The following KIF26B variants were observed in gnomAD, a reference collection of about 807,000 sequenced individuals.
KIF26B encodes the protein kinesin-like protein KIF26B.
Under a neutral mutation model 151.2 loss-of-function variants are expected in KIF26B, and 63 were observed. The observed-to-expected ratio is 0.42, with a 90% CI of 0.34 to 0.51. The LOEUF (loss-of-function observed/expected upper bound fraction) is 0.51, where lower values mean the gene tolerates loss of function less well. KIF26B is among the 20% of genes least tolerant of loss of function. The pLI is 0.07. For synonymous variants in KIF26B, 1,357 were observed against 1,262.1 expected, an observed-to-expected ratio of 1.08 and a Z score of -1.59; for missense variants, 2,813 against 2,913.6, an observed-to-expected ratio of 0.97 and a Z score of 0.79.
intron 2 of KIF26B, among the ~76,000 whole-genome samples, chr1:245,302,791 C>A (rs1288505666): frequency 6.6e-6 from 1 of 151,986 alleles, no homozygotes; most frequent in Non-Finnish European, 1.5e-5. Context: ...CAGTTTGAGA[C>A]CAGCCTGCCC....
At chr1:245,554,743 G>T (rs972403630) in intron 5 of KIF26B, among the ~76,000 whole-genome samples, 1 of 152,160 alleles carries the variant, frequency 6.6e-6, no homozygotes, top group African/African-American at 2.4e-5. Flanking sequence ...GACAGCTGAC[G>T]GTATAGCAGC....
In KIF26B at chr1:245,702,552, C is replaced by T. The variant is rs753303443; in HGVS notation, c.6273C>T (p.Cys2091=). 1.2e-6 allele frequency: 2 copies of T among 1,613,966 alleles called. No individual in the cohort carries two copies. Among genetic ancestry groups the T allele is most frequent in the Non-Finnish European group, 8.5e-7 (1 of 1,179,886 alleles). ...GCCTGGAGAGCCGTGTCAACTTCTG[C>T]AAGGCCCATCTCATGATGATCACCT... is the stretch of plus-strand genomic sequence containing the variant. ...TERLESRVNF[C]KAHLMMITCF... Residue 2091 remains cysteine, a synonymous_variant, in exon 15 of 15, where the codon TGC becomes TGT. Coordinates refer to ENST00000407071, the MANE Select transcript of KIF26B (RefSeq NM_018012.4). The surrounding 1 kb of genome is among the most constrained non-coding windows in gnomAD (Gnocchi z 4.1).
chr1:245,263,458 A>G (rs1007089267), intron 2 of KIF26B, among the ~76,000 whole-genome samples: 1 of 152,202 alleles, frequency 6.6e-6, no homozygotes. Flanking sequence ...GACACGCTCT[A>G]GTGAGCAGTT....
At chr1:245,533,349 A>G (rs1661417031) in intron 4 of KIF26B, among the ~76,000 whole-genome samples, 1 of 152,042 alleles carries the variant, frequency 6.6e-6, no homozygotes, top group African/African-American at 2.4e-5. Context: ...TGAGAGTCTC[A>G]CAGTTTTTCA....
chr1:245,185,984 C>T (rs1187012233), intron 2 of KIF26B, among the ~76,000 whole-genome samples: 1 of 152,098 alleles, frequency 6.6e-6, no homozygotes, highest in African/African-American at 2.4e-5. Flanking sequence ...AAGCAATTCT[C>T]CTGCCTCAGC....
In KIF26B at chr1:245,423,686, G is replaced by T. The variant is rs187771397; in HGVS notation, c.1166+3941G>T. Among the ~76,000 whole-genome samples the T allele has an allele frequency of 3.3e-5, 5 of 152,204 alleles. No homozygotes were observed. In the East Asian group the frequency reaches 9.6e-4, roughly 29 times the overall value. ...TCTTGAGGATTCCTACCTTTACACG[G>T]TGTTTTCCTGTTGACGAAAAATATG... On this transcript the variant is annotated intron_variant, in intron 4 of 14. Transcript: ENST00000407071.
At chr1:245,632,208 C>T (rs560907407) in intron 9 of KIF26B, among the ~76,000 whole-genome samples, 1 of 151,988 alleles carries the variant, frequency 6.6e-6, no homozygotes, top group African/African-American at 2.4e-5. Context: ...TTGTTGTATC[C>T]CGTAGGTTTA....
chr1:245,265,603 T>TA (rs1670730844), intron 2 of KIF26B, among the ~76,000 whole-genome samples: 2 of 151,602 alleles, frequency 1.3e-5, no homozygotes, highest in Non-Finnish European at 2.9e-5. Context: ...TTTTTTTTTT[T>TA]TAAAGACAGG....
chr1:245,155,386 CG>C lies in KIF26B; in HGVS notation c.-37del, dbSNP rs772411690. On this transcript the variant is annotated 5_prime_UTR_variant, in exon 1 of 15. Coordinates refer to ENST00000407071, the MANE Select transcript of KIF26B (RefSeq NM_018012.4). ...TTGGAGGACCTTCTGGATGTAGCGT[CG>C]GTGGAACCTTTAGATACTCTCCTCT... 7.7e-6 allele frequency: 12 copies of C among 1,549,254 alleles called. No homozygotes were observed. In the Admixed American group the frequency reaches 2.1e-4, roughly 28 times the overall value.
chr1:245,352,794 GACTAGAACT>G lies in KIF26B; in HGVS notation c.466-14038_466-14030del, dbSNP rs1558399411. Among the ~76,000 whole-genome samples the G allele has an allele frequency of 1.3e-5, 2 of 151,998 alleles. No homozygotes were observed. Among genetic ancestry groups the G allele is most frequent in the Non-Finnish European group, 2.9e-5 (2 of 68,022 alleles). The stretch of plus-strand genomic sequence containing the variant: ...ACTAGTACGGGTTCCCCAACCCCAC[GACTAGAACT>G]ATCTTAGTGGTTTCTTCCTAAAGAG... On this transcript the variant is annotated intron_variant, in intron 2 of 14. Transcript: ENST00000407071. This position sits in a 1 kb window ranked among gnomAD's most constrained non-coding sequence, Gnocchi z 5.0.
At chr1:245,226,609 A>T (rs150403698) in intron 2 of KIF26B, among the ~76,000 whole-genome samples, 5 of 151,890 alleles carry the variant, frequency 3.3e-5, no homozygotes, top group African/African-American at 1.2e-4. Flanking sequence ...GATTACAGGC[A>T]TGCACCACCA....
At chr1:245,262,461 A>T (rs1049825457) in intron 2 of KIF26B, among the ~76,000 whole-genome samples, 29 of 149,750 alleles carry the variant, frequency 1.9e-4, no homozygotes, top group Non-Finnish European at 3.0e-4. Flanking sequence ...TTTGTTTTTT[A>T]TTTTTTTTTG....
At chr1:245,657,830 G>A (rs1020148136) in intron 10 of KIF26B, among the ~76,000 whole-genome samples, 1 of 152,158 alleles carries the variant, frequency 6.6e-6, no homozygotes, top group African/African-American at 2.4e-5. Flanking sequence ...TCTTTGACAT[G>A]TTTTGATTGT....
chr1:245,599,360 T>C (rs756932331), intron 5 of KIF26B, among the ~76,000 whole-genome samples: 1 of 152,236 alleles, frequency 6.6e-6, no homozygotes, highest in Non-Finnish European at 1.5e-5. Flanking sequence ...AGTGGGTTTT[T>C]AAAGAACTGT....
At position 245,279,669 on chromosome 1, in the gene KIF26B, T is replaced by A. The variant is rs561094935; in HGVS notation, c.466-87165T>A. On this transcript the variant is annotated intron_variant, in intron 2 of 14. Coordinates refer to ENST00000407071, the MANE Select transcript of KIF26B (RefSeq NM_018012.4). The stretch of plus-strand genomic sequence containing the variant: ...GGGCTAATGCCTGATGCTTTTTTTT[T>A]ATCTGTATGAAGCAGCGGCCACACA... Among the ~76,000 whole-genome samples, 3 of 152,202 alleles carry A rather than the reference T, an allele frequency of 2.0e-5. No individual in the cohort carries two copies. In the South Asian group the frequency reaches 6.2e-4, roughly 32 times the overall value.
rs118146943 is a variant in KIF26B at position 245,601,453 on chromosome 1, A to C, written c.1351-1124A>C. Among the ~76,000 whole-genome samples the C allele has an allele frequency of 7.5e-4, 115 of 152,340 alleles. No individual in the cohort carries two copies. In the East Asian group the frequency reaches 0.021, roughly 27 times the overall value. ...AAAATTACAACCACCCCTCCTCCTC[A>C]AAATTGCATGACAGAGATTTCACCA... On this transcript the variant is annotated intron_variant, in intron 5 of 14. Transcript: ENST00000407071. The surrounding 1 kb of genome is among the most constrained non-coding windows in gnomAD (Gnocchi z 4.4).
At chr1:245,603,133 A>C (rs554476545) in intron 6 of KIF26B, among the ~76,000 whole-genome samples, 3 of 139,516 alleles carry the variant, frequency 2.2e-5, no homozygotes, top group Admixed American at 7.1e-5. Context: ...CTGCCTGGGC[A>C]TTGTACGAAG....
chr1:245,333,655 T>A (rs1341096127), intron 2 of KIF26B, among the ~76,000 whole-genome samples: 1 of 152,210 alleles, frequency 6.6e-6, no homozygotes, highest in East Asian at 1.9e-4. Context: ...TAACTCTCCA[T>A]TTTTTATCTT....
chr1:245,684,195 A>G (rs376138957), intron 10 of KIF26B, 38 bp from the exon 11 acceptor site: 6 of 1,593,296 alleles, frequency 3.8e-6, no homozygotes, highest in South Asian at 2.2e-5. Context: ...ACAGGGAAGC[A>G]TGGCCGCTAA....
Sources: gnomAD v4.1 joint callset for allele counts (sites outside exome capture counted in the v4.1 genomes callset) on GRCh38, gnomAD v4.1.1 for gene constraint, Gnocchi (gnomAD v3.1) non-coding constraint, MANE v1.5 for transcripts, NCBI Gene and HGNC (gene_info 2026-07-23, HGNC 2026-07-21) for gene names.